The following PHLDB3 variants were observed in gnomAD, a reference collection of about 807,000 sequenced individuals.
The protein encoded by PHLDB3 is pleckstrin homology like domain family B member 3.
A neutral mutation model predicts 85.7 loss-of-function variants in PHLDB3; 86 were observed. The observed-to-expected ratio is 1.00, with a 90% CI of 0.84 to 1.20. PHLDB3 has a LOEUF of 1.20. Among genes scored for constraint, PHLDB3 ranks in the 50% most tolerant of loss-of-function variants. PHLDB3 has a pLI of 0.00. For synonymous variants in PHLDB3, 376 were observed against 349.8 expected, an observed-to-expected ratio of 1.07 and a Z score of -0.83; for missense variants, 995 against 873.0, an observed-to-expected ratio of 1.14 and a Z score of -1.76.
At chr19:43,504,360 C>T in intron 1 of PHLDB3, 1 of 581,166 alleles carries the variant, frequency 1.7e-6, no homozygotes, top group African/African-American at 1.9e-5. Context: ...GAGTCCGGGT[C>T]GTAGCACGCC....
At chr19:43,504,522 T>G in intron 1 of PHLDB3, 67 bp downstream of exon 1, 5 of 222,170 alleles carry the variant, frequency 2.3e-5, no homozygotes, top group East Asian at 2.5e-4. Context: ...CGCCCCATCC[T>G]TCCCGGAGCC....
intron 13 of PHLDB3, chr19:43,485,839 G>T: frequency 3.9e-6 from 2 of 518,206 alleles, no homozygotes; most frequent in South Asian, 8.3e-5. Context: ...ATGAGCCACT[G>T]CACCCAGCCA....
rs1971166771 is a variant in PHLDB3, at chr19:43,486,641, T to G, written c.1396A>C (p.Met466Leu). The change falls in exon 12 of 16, where the codon ATG becomes CTG. Residue 466 changes from methionine (M) to leucine (L), a missense_variant. Met to Leu is a conservative substitution (Grantham distance 15). Coordinates refer to ENST00000292140, the MANE Select transcript of PHLDB3 (RefSeq NM_198850.4). ...AHMERLLQQA[M>L]AERERLLKAR... ...TTGAGCAGCCGCTCCCTCTCCGCCA[T>G]GGCCTGCTGCAGGAGCCGCTCCATG... The G allele has an allele frequency of 6.2e-7, 1 of 1,613,778 alleles. No individual in the cohort carries two copies. Among genetic ancestry groups the G allele is most frequent in the Non-Finnish European group, 8.5e-7 (1 of 1,179,854 alleles).
intron 1 of PHLDB3, 52 bp from the exon 2 acceptor site, chr19:43,504,184 AGCGCCGCTCGCGTCTGCTCCGGG>A: frequency 1.4e-6 from 2 of 1,470,944 alleles, no homozygotes; most frequent in Non-Finnish European, 1.8e-6. Context: ...AGGACGGCTG[AGCGCCGCTCGCGTCTGCTCCGGG>A]GCGCGGAGAC....
In PHLDB3 at chr19:43,475,339, G is replaced by GCCTAGGAACGCCCCCGCGC. The variant is rs763924598; in HGVS notation, c.*52_*70dup. On this transcript the variant is annotated 3_prime_UTR_variant, in exon 16 of 16. Transcript: ENST00000292140. The stretch of plus-strand genomic sequence containing the variant: ...TCCAAGTTTTCCGGCAGTGGGCGGG[G>GCCTAGGAACGCCCCCGCGC]CCTAGGAACGCCCCCGCGCCCCGCG... The GCCTAGGAACGCCCCCGCGC allele has an allele frequency of 6.0e-3, 9,463 of 1,573,230 alleles. 26 individuals carry two copies. The highest frequency in any genetic ancestry group is 0.013 in the Middle Eastern group (67 of 5,226).
chr19:43,488,924 C>T (rs1188202387), intron 9 of PHLDB3, among the ~76,000 whole-genome samples: 7 of 151,958 alleles, frequency 4.6e-5, no homozygotes, highest in Non-Finnish European at 7.4e-5. Flanking sequence ...CTCAGCCTCA[C>T]GAGTAGCTGG....
chr19:43,492,123 T>C (rs556123328), intron 9 of PHLDB3, among the ~76,000 whole-genome samples: 1 of 149,632 alleles, frequency 6.7e-6, no homozygotes, highest in African/African-American at 2.5e-5. Context: ...CGGCTAATTT[T>C]TGTATTTTTA....
At chr19:43,501,631 T>G (rs931659254) in intron 4 of PHLDB3, 103 bp downstream of exon 4, 3 of 1,510,536 alleles carry the variant, frequency 2.0e-6, no homozygotes, top group Non-Finnish European at 2.6e-6. Context: ...ATGTCTTCCT[T>G]TGGGGAATGG....
chr19:43,494,543 G>A (rs1292973981), intron 9 of PHLDB3, among the ~76,000 whole-genome samples, 159 bp downstream of exon 9: 1 of 152,146 alleles, frequency 6.6e-6, no homozygotes, highest in African/African-American at 2.4e-5. Flanking sequence ...TGGAGTCATA[G>A]GAATAACCCT....
intron 13 of PHLDB3, among the ~76,000 whole-genome samples, chr19:43,481,390 G>A (rs930366375): frequency 6.6e-6 from 1 of 152,198 alleles, no homozygotes; most frequent in Non-Finnish European, 1.5e-5. Flanking sequence ...AAGCCAAGGT[G>A]GGGGGATCAC....
At chr19:43,475,667 T>G in intron 15 of PHLDB3, 123 bp from the exon 16 acceptor site, 1 of 1,249,356 alleles carries the variant, frequency 8.0e-7, no homozygotes, top group Non-Finnish European at 1.1e-6. Context: ...TATCTGAATG[T>G]CAGTTTCCCT....
At chr19:43,504,155 A>C (rs1050850458) in intron 1 of PHLDB3, 23 bp from the exon 2 acceptor site, 2 of 1,540,368 alleles carry the variant, frequency 1.3e-6, no homozygotes, top group Non-Finnish European at 1.7e-6. Context: ...CGGGACCAGA[A>C]GCTCCGGGGG....
intron 9 of PHLDB3, among the ~76,000 whole-genome samples, chr19:43,492,252 A>T (rs1971337486): frequency 6.6e-6 from 1 of 151,740 alleles, no homozygotes; most frequent in Non-Finnish European, 1.5e-5. Flanking sequence ...CGCCCAGCCA[A>T]TTTTTTGTAT....
Position 43,503,956 on chromosome 19 carries a change from C to G in PHLDB3, c.163G>C (p.Glu55Gln), listed in dbSNP as rs769766181. ...SSRGGAEQQAEEEEVGEGSST... is the reference protein window; with the variant it reads ...SSRGGAEQQAQEEEVGEGSST... ...CTGCCTTCTCCCACTTCTTCTTCCTCTGCCTGCTGCTCAGCTCCCCCGCGG... is the reference window on the plus strand; with the variant it reads ...CTGCCTTCTCCCACTTCTTCTTCCTGTGCCTGCTGCTCAGCTCCCCCGCGG... The change falls in exon 2 of 16, where the codon GAG becomes CAG. Residue 55 changes from glutamate to glutamine, a missense_variant. Transcript: ENST00000292140. The G allele has an allele frequency of 1.4e-5, 22 of 1,613,830 alleles. No individual in the cohort carries two copies. The Admixed American group carries it at 3.7e-4, about 27-fold the overall frequency.
intron 4 of PHLDB3, among the ~76,000 whole-genome samples, chr19:43,499,053 C>T (rs1183464180): frequency 6.6e-6 from 1 of 151,990 alleles, no homozygotes; most frequent in Non-Finnish European, 1.5e-5. Flanking sequence ...AATCATCCCT[C>T]TGGGAGATGG....
chr19:43,489,311 G>A (rs1971258391), intron 9 of PHLDB3, among the ~76,000 whole-genome samples: 1 of 151,986 alleles, frequency 6.6e-6, no homozygotes, highest in Non-Finnish European at 1.5e-5. Context: ...ACCCTGCAGT[G>A]AGCCATGATC....
chr19:43,504,211 C>G, intron 1 of PHLDB3, 79 bp from the exon 2 acceptor site: 1 of 1,276,120 alleles, frequency 7.8e-7, no homozygotes, highest in Non-Finnish European at 1.0e-6. Context: ...CTCCGGGGCG[C>G]GGAGACCCCC....
At chr19:43,499,504 G>A (rs1305711367) in intron 4 of PHLDB3, among the ~76,000 whole-genome samples, 1 of 152,006 alleles carries the variant, frequency 6.6e-6, no homozygotes, top group Non-Finnish European at 1.5e-5. Flanking sequence ...GGAGTATGAA[G>A]TAGCCAGTAC....
chr19:43,497,388 G>A lies in PHLDB3; in HGVS notation c.664-109C>T, dbSNP rs77275434. On this transcript the variant is annotated intron_variant, in intron 5 of 15. Transcript: ENST00000292140. ...AGAGGAAGAAGGTGACTGAGGACTT[G>A]GATTCCTGGGTCCTGGGGAGGAGGG... 1.1e-3 allele frequency: 1,009 copies of A among 934,718 alleles called. 8 individuals are homozygous for A. In the African/African-American group the frequency reaches 0.013, roughly 12 times the overall value. 57.9% of individuals were successfully genotyped at this position (934,718 alleles called of 1,614,324 possible). A position where few individuals can be genotyped will look rare whatever the true frequency, so the allele number is the denominator to read the frequency against.
Sources: gnomAD v4.1 joint callset for allele counts (sites outside exome capture counted in the v4.1 genomes callset) on GRCh38, gnomAD v4.1.1 for gene constraint, MANE v1.5 for transcripts, NCBI Gene and HGNC (gene_info 2026-07-23, HGNC 2026-07-21) for gene names.